The following ITFG1 variants were observed in gnomAD, a reference collection of about 807,000 sequenced individuals.
ITFG1 encodes the protein T-cell immunomodulatory protein.
A neutral mutation model predicts 81.8 loss-of-function variants in ITFG1; 34 were observed. That is an observed-to-expected ratio of 0.42 (90% CI 0.32 to 0.55). The LOEUF (loss-of-function observed/expected upper bound fraction) is 0.55. ITFG1 is among the 20% of genes least tolerant of loss of function. The pLI is 0.17. For missense variants in ITFG1, 672 were observed against 755.4 expected (o/e 0.89, Z 1.29); for synonymous variants, 285 against 270.6 (o/e 1.05, Z -0.52).
intron 13 of ITFG1, among the ~76,000 whole-genome samples, chr16:47,236,391 C>T (rs566114412): frequency 1.5e-4 from 23 of 149,092 alleles, no homozygotes; most frequent in African/African-American, 4.9e-4. Context: ...AGGAGAATGG[C>T]GTGAGCCCCG....
At chr16:47,458,162 T>C (rs977799176) in intron 2 of ITFG1, among the ~76,000 whole-genome samples, 1 of 152,242 alleles carries the variant, frequency 6.6e-6, no homozygotes, top group Non-Finnish European at 1.5e-5. Context: ...GACCTGATGA[T>C]TCCCCTCTTC....
At chr16:47,244,591 TTGTGTGTGTGTGTGTG>T (rs57470225) in intron 12 of ITFG1, among the ~76,000 whole-genome samples, 14,430 of 118,206 alleles carry the variant, frequency 0.12, 1,209 homozygotes, top group African/African-American at 0.24. Context: ...ATTCCATCTT[TTGTGTGTGTGTGTGTG>T]TGTGTGTGTG....
intron 2 of ITFG1, among the ~76,000 whole-genome samples, chr16:47,455,370 A>G (rs1185738085): frequency 6.6e-6 from 1 of 152,062 alleles, no homozygotes; most frequent in Non-Finnish European, 1.5e-5. Context: ...ATTACACTTA[A>G]GAGAAAAAAG....
intron 6 of ITFG1, among the ~76,000 whole-genome samples, chr16:47,397,626 AAAC>A (rs1353954295): frequency 1.3e-5 from 2 of 152,192 alleles, no homozygotes; most frequent in African/African-American, 2.4e-5. Flanking sequence ...GTGCTAAACT[AAAC>A]ATCCTACAAT....
intron 12 of ITFG1, among the ~76,000 whole-genome samples, chr16:47,245,052 A>G (rs1334924852): frequency 6.6e-6 from 1 of 152,170 alleles, no homozygotes; most frequent in Non-Finnish European, 1.5e-5. Context: ...CTTCCTTTTA[A>G]AAAACATTTT....
In ITFG1 at chr16:47,444,309, T is replaced by C. The variant is rs151069532; in HGVS notation, c.560+7087A>G. On this transcript the variant is annotated intron_variant, in intron 5 of 17. Coordinates refer to ENST00000320640, the MANE Select transcript of ITFG1 (RefSeq NM_030790.5). ...TTAATTAACTTACAGCAATGCAATA[T>C]AATGCAGCTAAAATAATTTATGTTA... 9.4e-4 allele frequency among the ~76,000 whole-genome samples: 143 copies of C among 152,312 alleles called. 1 individual carries two copies. Among genetic ancestry groups the C allele is most frequent in the African/African-American group, 3.3e-3 (139 of 41,584 alleles).
chr16:47,316,265 A>G (rs115910584), intron 8 of ITFG1, among the ~76,000 whole-genome samples: 1,941 of 152,310 alleles, frequency 0.013, 36 homozygotes, highest in South Asian at 0.056. Flanking sequence ...ATTTATACTT[A>G]AAGTTGCAAT....
chr16:47,453,179 G>C (rs1267333979), intron 3 of ITFG1, among the ~76,000 whole-genome samples: 2 of 152,166 alleles, frequency 1.3e-5, no homozygotes, highest in Non-Finnish European at 2.9e-5. Flanking sequence ...CAAGCTTTGT[G>C]CATGGTACTC....
chr16:47,154,870 A>G lies in ITFG1; in HGVS notation c.*849T>C, dbSNP rs1964679345. ...AGTTAATATGAGCAAGTAAATCTTT[A>G]TGTCAATCACCAAAAATTTAGCTTT... On this transcript the variant is annotated 3_prime_UTR_variant, in exon 18 of 18. Coordinates refer to ENST00000320640, the MANE Select transcript of ITFG1 (RefSeq NM_030790.5). 2 of 152,212 alleles carry G rather than the reference A, an allele frequency of 1.3e-5. No homozygotes were observed. Among genetic ancestry groups the G allele is most frequent in the Non-Finnish European group, 2.9e-5 (2 of 68,034 alleles). 9.4% of individuals were successfully genotyped at this position (152,212 alleles called of 1,614,324 possible).
intron 6 of ITFG1, among the ~76,000 whole-genome samples, chr16:47,409,619 A>G (rs1293740939): frequency 1.3e-5 from 2 of 149,268 alleles, no homozygotes; most frequent in Non-Finnish European, 3.0e-5. Context: ...GAGTTTCACC[A>G]TGTTGGCCAG....
intron 14 of ITFG1, among the ~76,000 whole-genome samples, chr16:47,207,773 T>C (rs1965518815): frequency 6.6e-6 from 1 of 152,068 alleles, no homozygotes; most frequent in Non-Finnish European, 1.5e-5. Context: ...TTTCCCATTT[T>C]CTCTCTCCCC....
chr16:47,413,178 C>T (rs528596164), intron 6 of ITFG1, among the ~76,000 whole-genome samples: 5 of 152,312 alleles, frequency 3.3e-5, no homozygotes, highest in Non-Finnish European at 7.3e-5. Context: ...CAGAAACCTA[C>T]GAGCAAGAAG....
At chr16:47,338,208 G>A (rs953745598) in intron 8 of ITFG1, among the ~76,000 whole-genome samples, 4 of 152,160 alleles carry the variant, frequency 2.6e-5, no homozygotes, top group African/African-American at 9.7e-5. Flanking sequence ...TCAGGAGTTC[G>A]AGAACTGCCT....
At chr16:47,286,905 CTCACATTTAATATGTGGTAA>C (rs1966871798) in intron 10 of ITFG1, among the ~76,000 whole-genome samples, 3 of 152,220 alleles carry the variant, frequency 2.0e-5, no homozygotes, top group African/African-American at 7.2e-5. Flanking sequence ...CACTGAACAT[CTCACATTTAATATGTGGTAA>C]ACTTACAAAA....
intron 8 of ITFG1, among the ~76,000 whole-genome samples, chr16:47,345,274 A>G (rs1283324964): frequency 6.6e-6 from 1 of 151,070 alleles, no homozygotes; most frequent in Non-Finnish European, 1.5e-5. Flanking sequence ...AAAAAGAAAA[A>G]AAATTGCAAA....
intron 7 of ITFG1, among the ~76,000 whole-genome samples, chr16:47,366,504 C>G (rs898577892): frequency 6.6e-6 from 1 of 152,048 alleles, no homozygotes; most frequent in Non-Finnish European, 1.5e-5. Context: ...AGCTTATCAG[C>G]GATCCTTTGT....
chr16:47,347,209 G>C (rs1241834173), intron 8 of ITFG1, among the ~76,000 whole-genome samples: 1 of 152,228 alleles, frequency 6.6e-6, no homozygotes, highest in Non-Finnish European at 1.5e-5. Flanking sequence ...AAGACAGTGG[G>C]TGCAGCGCAC....
At chr16:47,314,789 A>G (rs907983901) in intron 8 of ITFG1, among the ~76,000 whole-genome samples, 1 of 152,128 alleles carries the variant, frequency 6.6e-6, no homozygotes, top group African/African-American at 2.4e-5. Context: ...GCTGTTGTTT[A>G]TTGTATTATT....
At chr16:47,171,936 T>C (rs1443747656) in intron 14 of ITFG1, among the ~76,000 whole-genome samples, 1 of 152,168 alleles carries the variant, frequency 6.6e-6, no homozygotes, top group East Asian at 1.9e-4. Context: ...AGATTTTCTT[T>C]TATGTTTACT....
Sources: allele counts gnomAD v4.1 joint callset (sites outside exome capture counted in the v4.1 genomes callset), GRCh38; gene constraint gnomAD v4.1.1; transcripts MANE v1.5; gene names NCBI Gene and HGNC (gene_info 2026-07-23, HGNC 2026-07-21).